Variants in TARS2 observed in about 807,000 individuals in gnomAD.
TARS2 encodes threonine--tRNA ligase, mitochondrial.
Under a neutral mutation model 94.4 loss-of-function variants are expected in TARS2, and 61 were observed. The ratio of observed to expected loss-of-function variants is 0.65; its 90% CI spans 0.53 to 0.80. The LOEUF (loss-of-function observed/expected upper bound fraction) is 0.80. Ranked by LOEUF, TARS2 falls within the 30% of genes least tolerant of loss-of-function variation. TARS2 has a pLI of 0.00. For synonymous variants in TARS2, 359 were observed against 353.4 expected, an observed-to-expected ratio of 1.02 and a Z score of -0.18; for missense variants, 704 against 902.5, an observed-to-expected ratio of 0.78 and a Z score of 2.82.
chr1:150,493,672 G>A (rs587711516), intron 7 of TARS2, among the ~76,000 whole-genome samples: 1 of 151,942 alleles, frequency 6.6e-6, no homozygotes, highest in South Asian at 2.1e-4. Flanking sequence ...AGAATCACTT[G>A]AACCTGGGAG....
At chr1:150,505,826 GC>G in intron 17 of TARS2, 121 bp downstream of exon 17, 2 of 898,518 alleles carry the variant, frequency 2.2e-6, no homozygotes, top group Non-Finnish European at 3.4e-6. Flanking sequence ...GCAGGTAGGA[GC>G]CAGGATTCAG....
intron 6 of TARS2, 78 bp from the exon 7 acceptor site, chr1:150,492,333 C>A: frequency 7.0e-7 from 1 of 1,429,908 alleles, no homozygotes; most frequent in South Asian, 1.2e-5. Flanking sequence ...CCTCTTCTGT[C>A]AGCTAAAGAC....
In TARS2 at chr1:150,495,708, TTTTG is replaced by T. The variant is rs895888605; in HGVS notation, c.775-755_775-752del. On this transcript the variant is annotated intron_variant, in intron 7 of 17. Coordinates refer to ENST00000369064, the MANE Select transcript of TARS2 (RefSeq NM_025150.5). ...TGCGCCCGGCCTCTCATTAGTACTT[TTTTG>T]TTTGTTTGTTTGTTTGTTATTTTTT... 1.1e-4 allele frequency among the ~76,000 whole-genome samples: 15 copies of T among 136,882 alleles called. No individual in the cohort carries two copies. The South Asian group carries it at 1.2e-3, about 11-fold the overall frequency. The allele number at this position is 136,882 out of a possible 152,430, so 89.8% of individuals were successfully genotyped here.
intron 7 of TARS2, among the ~76,000 whole-genome samples, chr1:150,493,686 G>A (rs1437560850): frequency 6.6e-6 from 1 of 151,892 alleles, no homozygotes; most frequent in South Asian, 2.1e-4. Context: ...CTGGGAGGTG[G>A]AGGTTGTGGC....
intron 13 of TARS2, among the ~76,000 whole-genome samples, chr1:150,503,854 A>G (rs1016908543): frequency 6.7e-6 from 1 of 150,056 alleles, no homozygotes; most frequent in African/African-American, 2.5e-5. Context: ...AGTGAGCTGA[A>G]ATCGTGCCAC....
chr1:150,502,355 G>A (rs1669964064), intron 13 of TARS2, among the ~76,000 whole-genome samples: 1 of 150,354 alleles, frequency 6.7e-6, no homozygotes, highest in South Asian at 2.1e-4. Context: ...CCGAGTATCT[G>A]GGACAGGTGT....
At chr1:150,505,483 C>T in intron 16 of TARS2, 108 bp from the exon 17 acceptor site, 2 of 991,604 alleles carry the variant, frequency 2.0e-6, no homozygotes, top group Non-Finnish European at 3.2e-6. Context: ...AGCCCCGAGG[C>T]AGGGAAAGGA....
chr1:150,502,215 G>A (rs1236386053), intron 13 of TARS2, among the ~76,000 whole-genome samples: 4 of 122,706 alleles, frequency 3.3e-5, no homozygotes, highest in East Asian at 4.2e-4. Context: ...CTTGCCCAGC[G>A]TTTTTTTCGT....
chr1:150,498,463 C>A, intron 10 of TARS2, 39 bp from the exon 11 acceptor site: 3 of 1,518,670 alleles, frequency 2.0e-6, no homozygotes, highest in Non-Finnish European at 2.6e-6. Flanking sequence ...GGGGGCTAGT[C>A]CTCCCTATGG....
rs1330774644 is a variant in TARS2 at position 150,505,666 on chromosome 1, A to G, written c.1969A>G (p.Ile657Val). 1.2e-6 allele frequency: 2 copies of G among 1,614,176 alleles called. No homozygotes were observed. The highest frequency in any genetic ancestry group is 3.3e-5 in the Admixed American group (2 of 60,000). ...ADSGLTLSRR[I>V]RRAQLAHYNF... is the part of the protein sequence containing the mutation. Reference sequence around the variant, plus strand: ...CTCTGGACTGACCCTCAGCCGGAGAATCCGCCGGGCCCAGCTTGCCCACTA... The same window carrying G: ...CTCTGGACTGACCCTCAGCCGGAGAGTCCGCCGGGCCCAGCTTGCCCACTA... The change falls in exon 17 of 18, where the codon ATC becomes GTC. Residue 657 changes from isoleucine (I) to valine (V), a missense_variant. By Grantham distance (29) the Ile-to-Val change is conservative. Transcript: ENST00000369064.
At chr1:150,493,071 CAG>C (rs1669478879) in intron 7 of TARS2, among the ~76,000 whole-genome samples, 3 of 151,842 alleles carry the variant, frequency 2.0e-5, no homozygotes, top group Admixed American at 2.0e-4. Context: ...TTAGTAGAGA[CAG>C]GGTTTCACCA....
intron 17 of TARS2, 93 bp downstream of exon 17, chr1:150,505,798 T>C (rs981022727): frequency 2.5e-6 from 3 of 1,191,904 alleles, no homozygotes; most frequent in Non-Finnish European, 3.6e-6. Context: ...TTTGGGTTAA[T>C]TGGGGCTCAT....
Position 150,506,484 on chromosome 1 carries a change from G to GTGCA in TARS2, c.2009-432_2009-431insTGCA, listed in dbSNP as rs1553906080. 4.3e-4 allele frequency among the ~76,000 whole-genome samples: 40 copies of GTGCA among 93,530 alleles called. 1 individual carries two copies. Among genetic ancestry groups the GTGCA allele is most frequent in the African/African-American group, 1.5e-3 (37 of 25,342 alleles). The allele number at this position is 93,530 out of a possible 152,430, so 61.4% of individuals were successfully genotyped here. ...TCTAATACCCCCTTCAGACACGCGC[G>GTGCA]CGCACACACACACACACACACACAC... On this transcript the variant is annotated intron_variant, in intron 17 of 17. Transcript: ENST00000369064.
In TARS2 at chr1:150,506,976, G is replaced by A. The variant is rs368552858; in HGVS notation, c.2069G>A (p.Arg690His). ...AACATTCGGACTCGAGATAATCGTC[G>A]CCTTGGGGAGTGGGACTTGCCTGAG... The part of the protein sequence containing the change: ...TVNIRTRDNR[R>H]LGEWDLPEAV... Residue 690 changes from arginine (R) to histidine (H), a missense_variant, in exon 18 of 18, where the codon CGC (arginine) becomes CAC (histidine). Coordinates refer to ENST00000369064, the MANE Select transcript of TARS2 (RefSeq NM_025150.5). 4.3e-6 allele frequency: 7 copies of A among 1,614,018 alleles called. No individual in the cohort carries two copies. In the East Asian group the frequency reaches 8.9e-5, roughly 21 times the overall value.
intron 3 of TARS2, 30 bp downstream of exon 3, chr1:150,489,117 GACT>G: frequency 6.2e-7 from 1 of 1,613,686 alleles, no homozygotes; most frequent in South Asian, 1.1e-5. Flanking sequence ...GGAATACAGT[GACT>G]ACTAAACCAA....
intron 7 of TARS2, among the ~76,000 whole-genome samples, chr1:150,492,742 G>A (rs1053600341): frequency 1.4e-5 from 2 of 147,984 alleles, no homozygotes; most frequent in Admixed American, 6.7e-5. Flanking sequence ...CCTGGGAGGC[G>A]GAGGTTGTAG....
Position 150,491,388 on chromosome 1 carries a change from T to G in TARS2, c.513-6T>G, listed in dbSNP as rs1365574805. ...GATGCAACCCAACCAATTCTCCTCT[T>G]TCCAGGACAATCCGGGGCTCAGAGC... On this transcript the variant is annotated splice_polypyrimidine_tract_variant and splice_region_variant and intron_variant, in intron 4 of 17. Transcript: ENST00000369064. 1.2e-6 allele frequency: 2 copies of G among 1,612,332 alleles called. No individual in the cohort carries two copies. Among genetic ancestry groups the G allele is most frequent in the Non-Finnish European group, 1.7e-6 (2 of 1,179,996 alleles).
Position 150,490,639 on chromosome 1 carries a change from A to C in TARS2, c.426A>C (p.Ala142=). 1 of 1,614,050 alleles carries C rather than the reference A, an allele frequency of 6.2e-7. No homozygotes were observed. The highest frequency in any genetic ancestry group is 1.7e-4 in the Middle Eastern group (1 of 6,008). ...CCAGCACCCATGTCCTGGGGGCAGC[A>C]GCTGAACAATTCCTAGGTGCTGTTC... ...WHSSTHVLGA[A]AEQFLGAVLC... is the part of the protein sequence containing the mutation. Residue 142 remains alanine (A), a synonymous_variant, in exon 4 of 18, where the codon GCA becomes GCC. Transcript: ENST00000369064.
At chr1:150,501,974 G>A (rs1024672519) in intron 13 of TARS2, among the ~76,000 whole-genome samples, 8 of 151,364 alleles carry the variant, frequency 5.3e-5, no homozygotes, top group African/African-American at 1.2e-4. Flanking sequence ...GTGCAGTGGC[G>A]CAATCTCGGC....
Sources: allele counts gnomAD v4.1 joint callset (sites outside exome capture counted in the v4.1 genomes callset), GRCh38; gene constraint gnomAD v4.1.1; transcripts MANE v1.5; gene names NCBI Gene and HGNC (gene_info 2026-07-23, HGNC 2026-07-21).